Variants in NCOA1 observed in about 807,000 individuals in gnomAD.
NCOA1 encodes Hin-2 protein.
NCOA1 carries 35 observed loss-of-function variants against 150.9 expected under a neutral mutation model. That is an observed-to-expected ratio of 0.23 (90% CI 0.18 to 0.31). NCOA1 has a LOEUF of 0.31. NCOA1 is among the 10% of genes least tolerant of loss of function. The pLI is 1.00. For missense variants in NCOA1, 1,491 were observed against 1,749.3 expected, an observed-to-expected ratio of 0.85 and a Z score of 2.63; for synonymous variants, 590 against 630.0, an observed-to-expected ratio of 0.94 and a Z score of 0.95.
At chr2:24,584,218 G>A (rs904827126) in intron 2 of NCOA1, among the ~76,000 whole-genome samples, 4 of 151,950 alleles carry the variant, frequency 2.6e-5, no homozygotes, top group Admixed American at 2.6e-4. Context: ...TAAAAAAGAA[G>A]TATTTTGTAG....
intron 3 of NCOA1, among the ~76,000 whole-genome samples, chr2:24,642,633 G>A (rs997136672): frequency 1.3e-5 from 2 of 152,092 alleles, no homozygotes; most frequent in African/African-American, 4.8e-5. Flanking sequence ...ACAGTCCTGG[G>A]CATTGAAATG....
At chr2:24,567,346 G>GT (rs1420527581) in intron 2 of NCOA1, among the ~76,000 whole-genome samples, 2 of 152,090 alleles carry the variant, frequency 1.3e-5, no homozygotes, top group African/African-American at 2.4e-5. Context: ...CATTTTACTT[G>GT]TTTTTTTAGG....
rs752921193 is a variant in NCOA1 at position 24,762,698 on chromosome 2, C to T, written c.4077C>T (p.Pro1359=). Residue 1359 remains proline, a synonymous_variant, in exon 22 of 23, where the codon CCC becomes CCT. Coordinates refer to ENST00000348332, the MANE Select transcript of NCOA1 (RefSeq NM_003743.5). ...TTTATCTTTAATAGATAAATGATCC[C>T]GCACTGAGACACACAGGCCTCTACT... ...NTVCPEQIND[P]ALRHTGLYCN... is the part of the protein sequence containing the mutation. The T allele has an allele frequency of 7.4e-6, 12 of 1,613,658 alleles. No individual in the cohort carries two copies. The highest frequency in any genetic ancestry group is 1.7e-5 in the Admixed American group (1 of 60,002).
intron 1 of NCOA1, among the ~76,000 whole-genome samples, chr2:24,498,946 A>G (rs1025797028): frequency 2.6e-5 from 4 of 151,916 alleles, no homozygotes; most frequent in Admixed American, 1.3e-4. Flanking sequence ...CACAGATTAT[A>G]TGGTTTTTTT....
chr2:24,634,714 C>A (rs1433713839), intron 3 of NCOA1, among the ~76,000 whole-genome samples: 1 of 108,758 alleles, frequency 9.2e-6, no homozygotes, highest in South Asian at 4.6e-4. Flanking sequence ...AGGAACCCCC[C>A]CCCCCCCCGC....
intron 5 of NCOA1, among the ~76,000 whole-genome samples, chr2:24,663,296 C>G (rs928978865): frequency 7.2e-5 from 11 of 152,180 alleles, no homozygotes; most frequent in African/African-American, 2.7e-4. Context: ...AAGCCAGCCT[C>G]TCCCTACCAC....
intron 10 of NCOA1, among the ~76,000 whole-genome samples, chr2:24,697,102 A>G (rs1672942248): frequency 6.6e-6 from 1 of 152,116 alleles, no homozygotes; most frequent in African/African-American, 2.4e-5. Flanking sequence ...CCGTGTGCAT[A>G]CTGCCTAGCA....
chr2:24,704,763 ACT>A lies in NCOA1; in HGVS notation c.950-320_950-319del, dbSNP rs764149125. Reference sequence around the variant, plus strand: ...ACTCTAGCCTGGGCGACAGAGTGAGACTCTGTCTCAAAAGAAAAAAAAAAAAA... The same window carrying A: ...ACTCTAGCCTGGGCGACAGAGTGAGACTGTCTCAAAAGAAAAAAAAAAAAA... On this transcript the variant is annotated intron_variant, in intron 11 of 22. Transcript: ENST00000348332. Among the ~76,000 whole-genome samples the A allele has an allele frequency of 6.8e-4, 102 of 150,436 alleles. 1 individual carries two copies. Among genetic ancestry groups the A allele is most frequent in the African/African-American group, 2.4e-3 (97 of 40,810 alleles).
intron 7 of NCOA1, among the ~76,000 whole-genome samples, chr2:24,682,165 A>G (rs918265636): frequency 3.3e-5 from 5 of 152,056 alleles, no homozygotes; most frequent in Middle Eastern, 3.2e-3. Flanking sequence ...TAAATGTTCT[A>G]TTTTTTCAGG....
chr2:24,758,747 C>A (rs980879457), intron 21 of NCOA1, among the ~76,000 whole-genome samples: 1 of 151,776 alleles, frequency 6.6e-6, no homozygotes, highest in Admixed American at 6.6e-5. Context: ...CTTTGGGAGG[C>A]CAAGGCAGAT....
chr2:24,737,613 C>T (rs920016097), intron 17 of NCOA1, among the ~76,000 whole-genome samples: 13 of 152,180 alleles, frequency 8.5e-5, no homozygotes, highest in African/African-American at 3.1e-4. Flanking sequence ...CTCTGCCCTC[C>T]TCCTTGCCAC....
chr2:24,491,492 GGAGAGCCGC>G lies in NCOA1; in HGVS notation c.-504_-496del, dbSNP rs1266131812. 0.016 allele frequency among the ~76,000 whole-genome samples: 8 copies of G among 510 alleles called. No individual in the cohort carries two copies. The East Asian group carries it at 0.21, about 13-fold the overall frequency. 0.3% of individuals were successfully genotyped at this position (510 alleles called of 152,430 possible). ...GACCCCTGCTCCGGAGGAGGGGGCC[GGAGAGCCGC>G]GGCGCCGGGCCCGAGGAGCGGCGGA... On this transcript the variant is annotated 5_prime_UTR_variant, in exon 1 of 23. Transcript: ENST00000348332.
chr2:24,610,978 G>A (rs1668596452), intron 3 of NCOA1, among the ~76,000 whole-genome samples: 1 of 151,950 alleles, frequency 6.6e-6, no homozygotes, highest in South Asian at 2.1e-4. Context: ...TTAGATTCAG[G>A]GAGTACATGT....
At chr2:24,693,203 AC>A in intron 9 of NCOA1, 48 bp from the exon 10 acceptor site, 1 of 1,537,706 alleles carries the variant, frequency 6.5e-7, no homozygotes, top group Non-Finnish European at 9.0e-7. Flanking sequence ...ATAGATATAA[AC>A]CATTTTCTAC....
chr2:24,743,547 C>G (rs990064508), intron 19 of NCOA1, among the ~76,000 whole-genome samples: 1 of 152,180 alleles, frequency 6.6e-6, no homozygotes, highest in South Asian at 2.1e-4. Flanking sequence ...GATTATAAAT[C>G]CATATTTTAA....
rs1665263246 is a variant in NCOA1, at chr2:24,770,363, A to G, written c.*1972A>G. ...CTTTTGCATAAGGAACTAGAAAAAA[A>G]AAGTAAGGAAAATTGGAGATGCTAA... On this transcript the variant is annotated 3_prime_UTR_variant, in exon 23 of 23. Transcript: ENST00000348332. 4.3e-6 allele frequency: 1 copy of G among 230,152 alleles called. No individual in the cohort carries two copies. Among genetic ancestry groups the G allele is most frequent in the African/African-American group, 2.2e-5 (1 of 45,160 alleles). The allele number at this position is 230,152 out of a possible 1,614,324, so 14.3% of individuals were successfully genotyped here. A position where few individuals can be genotyped will look rare whatever the true frequency, so the allele number is the denominator to read the frequency against.
At chr2:24,591,446 A>G (rs937005020) in intron 3 of NCOA1, among the ~76,000 whole-genome samples, 1 of 152,240 alleles carries the variant, frequency 6.6e-6, no homozygotes, top group African/African-American at 2.4e-5. Flanking sequence ...TAAGACATCT[A>G]TGAAATAAAG....
Position 24,707,719 on chromosome 2 carries a change from G to T in NCOA1, c.2249G>T (p.Arg750Leu), listed in dbSNP as rs755651796. 5 of 1,613,922 alleles carry T rather than the reference G, an allele frequency of 3.1e-6. No homozygotes were observed. Among genetic ancestry groups the T allele is most frequent in the Non-Finnish European group, 4.2e-6 (5 of 1,179,826 alleles). The change falls in exon 13 of 23, where the codon CGC becomes CTC. Residue 750 changes from arginine to leucine, a missense_variant. By Grantham distance (102) the Arg-to-Leu change is moderately radical (BLOSUM62 -2). Transcript: ENST00000348332. ...KKESKDHQLL[R>L]YLLDKDEKDL... is the part of the protein sequence containing the mutation. ...GAATCAAAAGACCATCAGCTCCTAC[G>T]CTATCTTTTAGATAAAGATGAGAAA...
chr2:24,684,432 G>A (rs1672313554), intron 8 of NCOA1, among the ~76,000 whole-genome samples: 1 of 152,150 alleles, frequency 6.6e-6, no homozygotes, highest in Admixed American at 6.5e-5. Context: ...TGTTCTGCCT[G>A]GTTCTCAGGA....
Sources: gnomAD v4.1 joint callset for allele counts (sites outside exome capture counted in the v4.1 genomes callset) on GRCh38, gnomAD v4.1.1 for gene constraint, MANE v1.5 for transcripts, NCBI Gene and HGNC (gene_info 2026-07-23, HGNC 2026-07-21) for gene names.